IL17B: variants seen among roughly 807,000 people sequenced by gnomAD.
IL17B encodes interleukin 17B, also known as interleukin-17B.
A neutral mutation model predicts 14.7 loss-of-function variants in IL17B; 14 were observed. That is an observed-to-expected ratio of 0.95 (90% confidence interval 0.63 to 1.49). The LOEUF (loss-of-function observed/expected upper bound fraction) is 1.49, where lower values mean the gene tolerates loss of function less well. IL17B is among the 40% of genes most tolerant of loss of function. IL17B has a pLI of 0.00. For synonymous variants in IL17B, 105 were observed against 94.8 expected (o/e 1.11, Z -0.62); for missense variants, 233 against 252.8 (o/e 0.92, Z 0.53).
intron 1 of IL17B, among the ~76,000 whole-genome samples, chr5:149,402,437 A>C (rs1270287868): frequency 6.6e-6 from 1 of 152,068 alleles, no homozygotes; most frequent in African/African-American, 2.4e-5. Flanking sequence ...GGTGTGTTAC[A>C]TCCTTCTCTC....
upstream of IL17B, among the ~76,000 whole-genome samples, chr5:149,380,762 C>T (rs952694082): frequency 6.6e-5 from 10 of 152,314 alleles, no homozygotes; most frequent in East Asian, 1.9e-4. Flanking sequence ...AGGAATCGTC[C>T]GAGGGGAAGA....
At chr5:149,392,957 T>C (rs1156449441) in intron 1 of IL17B, among the ~76,000 whole-genome samples, 1 of 150,484 alleles carries the variant, frequency 6.6e-6, no homozygotes, top group Non-Finnish European at 1.5e-5. Context: ...CGTGCGTGTG[T>C]GCGTGTGTGT....
At chr5:149,402,586 C>T (rs536639100) in intron 1 of IL17B, among the ~76,000 whole-genome samples, 25 of 151,752 alleles carry the variant, frequency 1.6e-4, no homozygotes, top group Admixed American at 3.3e-4. Flanking sequence ...TCCAGCAGGG[C>T]GCCTTGCTAC....
intron 1 of IL17B, among the ~76,000 whole-genome samples, chr5:149,388,735 G>A (rs184058612): frequency 7.2e-5 from 11 of 152,274 alleles, no homozygotes; most frequent in Admixed American, 2.0e-4. Context: ...GGCATGCTGC[G>A]CTTATCAGAA....
chr5:149,374,986 AC>A lies in IL17B; in HGVS notation c.312-387del, dbSNP rs1455988183. ...CACCCAGGGTGGAAGTGGCCCAGTC[AC>A]AGCTTACTGCAGCATCAGCCTCCCC... On this transcript the variant is annotated intron_variant, in intron 2 of 2. Transcript: ENST00000261796. This position sits in a 1 kb window ranked among gnomAD's most constrained non-coding sequence, Gnocchi z 5.0. 1 of 174,050 alleles carries A rather than the reference AC, an allele frequency of 5.7e-6. No homozygotes were observed. Among genetic ancestry groups the A allele is most frequent in the Non-Finnish European group, 1.2e-5 (1 of 82,516 alleles). 10.8% of individuals were successfully genotyped at this position (174,050 alleles called of 1,614,324 possible). A position where few individuals can be genotyped will look rare whatever the true frequency, so the allele number is the denominator to read the frequency against.
At chr5:149,385,080 A>AT (rs1758796281) in intron 1 of IL17B, among the ~76,000 whole-genome samples, 2 of 151,808 alleles carry the variant, frequency 1.3e-5, no homozygotes, top group South Asian at 4.2e-4. Flanking sequence ...TGCCCAGCTA[A>AT]TTTTTGTATT....
At chr5:149,375,730 T>TA (rs984428367) in intron 2 of IL17B, among the ~76,000 whole-genome samples, 31 of 147,886 alleles carry the variant, frequency 2.1e-4, no homozygotes, top group Admixed American at 7.4e-4. Context: ...CTACAAAAAA[T>TA]AAAAAAAAAA....
intron 1 of IL17B, among the ~76,000 whole-genome samples, chr5:149,400,084 T>C (rs1440397101): frequency 6.6e-6 from 1 of 152,202 alleles, no homozygotes; most frequent in Admixed American, 6.5e-5. Flanking sequence ...CAAATTTCTA[T>C]GTTTAATTCC....
intron 1 of IL17B, among the ~76,000 whole-genome samples, chr5:149,397,029 A>C (rs1394400350): frequency 1.3e-5 from 2 of 152,162 alleles, no homozygotes; most frequent in East Asian, 3.9e-4. Context: ...TGATATTTGA[A>C]ATACTCTCTG....
chr5:149,389,380 A>G (rs948680620), intron 1 of IL17B, among the ~76,000 whole-genome samples: 2 of 152,250 alleles, frequency 1.3e-5, no homozygotes, highest in Admixed American at 6.5e-5. Context: ...TATAAAACTC[A>G]ATGGCAGAGA....
intron 1 of IL17B, among the ~76,000 whole-genome samples, chr5:149,400,489 A>G (rs1759184198): frequency 6.6e-6 from 1 of 152,188 alleles, no homozygotes; most frequent in Admixed American, 6.5e-5. Context: ...GCCCTGCCTG[A>G]CTGACACAAC....
chr5:149,396,519 G>A (rs1321735322), intron 1 of IL17B, among the ~76,000 whole-genome samples: 1 of 152,210 alleles, frequency 6.6e-6, no homozygotes, highest in Admixed American at 6.5e-5. Flanking sequence ...ACTTTAGGAG[G>A]CTGAGGCAGG....
chr5:149,381,840 G>A (rs1037613613), upstream of IL17B, among the ~76,000 whole-genome samples: 3 of 152,254 alleles, frequency 2.0e-5, no homozygotes, highest in Non-Finnish European at 4.4e-5. Context: ...CCAGGACTCA[G>A]TGCCAGGCCT....
At chr5:149,378,067 C>A (rs971367092) in intron 1 of IL17B, among the ~76,000 whole-genome samples, 1 of 152,022 alleles carries the variant, frequency 6.6e-6, no homozygotes, top group Non-Finnish European at 1.5e-5. Context: ...TGGCCTGAAC[C>A]CGGGAGGCGG....
chr5:149,379,786 C>T (rs1220021205), upstream of IL17B, among the ~76,000 whole-genome samples: 1 of 152,150 alleles, frequency 6.6e-6, no homozygotes, highest in Non-Finnish European at 1.5e-5. Context: ...AAGCCCCACC[C>T]CTCTAGATCA....
At chr5:149,385,362 A>C (rs961089493) in intron 1 of IL17B, among the ~76,000 whole-genome samples, 35 of 149,202 alleles carry the variant, frequency 2.3e-4, no homozygotes, top group African/African-American at 8.4e-4. Context: ...TCTCAGAAAA[A>C]ACAAAAAAAA....
At chr5:149,392,974 G>A (rs1169876221) in intron 1 of IL17B, among the ~76,000 whole-genome samples, 4 of 140,972 alleles carry the variant, frequency 2.8e-5, no homozygotes, top group Admixed American at 2.1e-4. Context: ...GTGTGCGCGC[G>A]TGCGTGTGTG....
At chr5:149,398,644 C>T (rs764285181) in intron 1 of IL17B, among the ~76,000 whole-genome samples, 10 of 152,204 alleles carry the variant, frequency 6.6e-5, no homozygotes, top group South Asian at 2.1e-4. Context: ...CAGTGGCTCA[C>T]GCCTGTAATC....
At chr5:149,385,034 C>T (rs917451667) in intron 1 of IL17B, among the ~76,000 whole-genome samples, 5 of 151,612 alleles carry the variant, frequency 3.3e-5, no homozygotes, top group Non-Finnish European at 7.4e-5. Flanking sequence ...CTGCCTTAAC[C>T]TCCCAAGTAG....
Sources: gnomAD v4.1 joint callset for allele counts (sites outside exome capture counted in the v4.1 genomes callset) on GRCh38, gnomAD v4.1.1 for gene constraint, Gnocchi (gnomAD v3.1) non-coding constraint, MANE v1.5 for transcripts, NCBI Gene and HGNC (gene_info 2026-07-23, HGNC 2026-07-21) for gene names.